Variants in MYO9A observed in about 807,000 individuals in gnomAD.
MYO9A encodes the protein unconventional myosin-IXa.
MYO9A carries 103 observed loss-of-function variants against 293.3 expected under a neutral mutation model. The observed-to-expected ratio is 0.35, with a 90% CI of 0.30 to 0.41. The LOEUF (loss-of-function observed/expected upper bound fraction) is 0.41. Ranked by LOEUF, MYO9A falls within the 10% of genes least tolerant of loss-of-function variation. The probability of loss-of-function intolerance (pLI) is 1.00; values close to 1 mark genes in which losing one functional copy is unlikely to be tolerated. For synonymous variants in MYO9A, 1,001 were observed against 1,035.7 expected (o/e 0.97, Z 0.64); for missense variants, 2,685 against 3,033.0 (o/e 0.89, Z 2.69).
intron 1 of MYO9A, among the ~76,000 whole-genome samples, chr15:72,047,276 T>C (rs2078414381): frequency 6.6e-6 from 1 of 152,200 alleles, no homozygotes; most frequent in Non-Finnish European, 1.5e-5. Flanking sequence ...ATCCTGCCCC[T>C]GACTTGCTAG....
intron 11 of MYO9A, 81 bp from the exon 12 acceptor site, chr15:71,978,373 C>T: frequency 8.5e-7 from 1 of 1,174,270 alleles, no homozygotes; most frequent in Non-Finnish European, 1.2e-6. Context: ...AAGCTTTTAC[C>T]CTGCTTAAAA....
At chr15:72,075,466 T>C (rs73436332) in intron 1 of MYO9A, among the ~76,000 whole-genome samples, 3,248 of 151,862 alleles carry the variant, frequency 0.021, 115 homozygotes, top group African/African-American at 0.076. Flanking sequence ...AGAAAAAACA[T>C]TGATTAAATA....
At chr15:71,956,661 C>A (rs1858931300) in intron 14 of MYO9A, among the ~76,000 whole-genome samples, 2 of 150,042 alleles carry the variant, frequency 1.3e-5, no homozygotes, top group African/African-American at 2.4e-5. Context: ...ATATATATAT[C>A]TATATATATC....
intron 20 of MYO9A, 135 bp from the exon 21 acceptor site, chr15:71,904,174 A>G (rs1259168688): frequency 2.9e-6 from 2 of 678,500 alleles, no homozygotes; most frequent in Admixed American, 5.3e-5. Flanking sequence ...GTAACTAAGT[A>G]TATTAAGGCA....
At chr15:71,895,046 T>A (rs1323303135) in intron 25 of MYO9A, among the ~76,000 whole-genome samples, 1 of 152,252 alleles carries the variant, frequency 6.6e-6, no homozygotes, top group Non-Finnish European at 1.5e-5. Flanking sequence ...TAAGAAATTA[T>A]CTTGCCCTTT....
intron 1 of MYO9A, among the ~76,000 whole-genome samples, chr15:72,089,536 C>G (rs1034292210): frequency 8.6e-5 from 13 of 152,016 alleles, no homozygotes; most frequent in African/African-American, 3.1e-4. Context: ...TCCCAGCACT[C>G]TGGGAAAGGA....
chr15:72,007,888 G>A lies in MYO9A; in HGVS notation c.1318C>T (p.Arg440Trp), dbSNP rs374349089. 52 of 1,612,640 alleles carry A rather than the reference G, an allele frequency of 3.2e-5. No homozygotes were observed. Among genetic ancestry groups the A allele is most frequent in the East Asian group, 8.9e-5 (4 of 44,758 alleles). Reference sequence around the variant, plus strand: ...TTACAGATATCAATGGAGTCATCCCGGTATGTCTTCTTTTTGTAACAGATA... The same window carrying A: ...TTACAGATATCAATGGAGTCATCCCAGTATGTCTTCTTTTTGTAACAGATA... ...GNICYKKKTY[R>W]DDSIDICNPE... Residue 440 changes from arginine (R) to tryptophan (W), a missense_variant, in exon 8 of 42, where the codon CGG (arginine) becomes TGG (tryptophan). Coordinates refer to ENST00000356056, the MANE Select transcript of MYO9A (RefSeq NM_006901.4).
In MYO9A at chr15:72,100,918, T is replaced by TGG. The variant is rs557887276; in HGVS notation, c.-72+16760_-72+16761dup. Among the ~76,000 whole-genome samples, 107 of 87,280 alleles carry TGG rather than the reference T, an allele frequency of 1.2e-3. 1 individual carries two copies. Among genetic ancestry groups the TGG allele is most frequent in the African/African-American group, 4.5e-3 (99 of 21,988 alleles). 57.3% of individuals were successfully genotyped at this position (87,280 alleles called of 152,430 possible). A position where few individuals can be genotyped will look rare whatever the true frequency, so the allele number is the denominator to read the frequency against. On this transcript the variant is annotated intron_variant, in intron 1 of 41. Coordinates refer to ENST00000356056, the MANE Select transcript of MYO9A (RefSeq NM_006901.4). Reference sequence around the variant, plus strand: ...CCAGCCGCCCGGTCCGGGAGGGAGGTGGGGGGGGTCAGCCCCCCGCCCGGC... The same window carrying TGG: ...CCAGCCGCCCGGTCCGGGAGGGAGGTGGGGGGGGGGTCAGCCCCCCGCCCGGC...
chr15:71,893,655 G>A, intron 26 of MYO9A, 24 bp downstream of exon 26: 1 of 1,563,212 alleles, frequency 6.4e-7, no homozygotes. Flanking sequence ...ATAGAAGATA[G>A]ATAAACAAAA....
chr15:71,880,698 T>C, intron 28 of MYO9A, 140 bp from the exon 29 acceptor site: 1 of 731,932 alleles, frequency 1.4e-6, no homozygotes, highest in South Asian at 1.9e-5. Context: ...ACATTAATGT[T>C]TGAGGTTAGG....
chr15:71,897,847 T>C lies in MYO9A; in HGVS notation c.4656A>G (p.Gln1552=). 1.9e-6 allele frequency: 3 copies of C among 1,614,110 alleles called. No individual in the cohort carries two copies. The highest frequency in any genetic ancestry group is 1.7e-6 in the Non-Finnish European group (2 of 1,180,012). ...LVAPSSYQSK[Q]RVERPSSLLS... is the part of the protein sequence containing the mutation. ...GGAGAGAGGATGGCCTCTCTACTCT[T>C]TGCTTTGACTGATAGGAAGATGGTG... The change falls in exon 25 of 42, where the codon CAA becomes CAG. Residue 1552 remains glutamine (Q), a synonymous_variant. Coordinates refer to ENST00000356056, the MANE Select transcript of MYO9A (RefSeq NM_006901.4).
At chr15:72,078,047 A>G (rs973943367) in intron 1 of MYO9A, among the ~76,000 whole-genome samples, 3 of 152,208 alleles carry the variant, frequency 2.0e-5, no homozygotes, top group Non-Finnish European at 4.4e-5. Context: ...AGAATGTGGA[A>G]TTACAGGAAC....
chr15:72,052,274 C>G (rs751939712), intron 1 of MYO9A, among the ~76,000 whole-genome samples: 14 of 152,158 alleles, frequency 9.2e-5, no homozygotes, highest in Non-Finnish European at 1.6e-4. Flanking sequence ...CTGCTGACAG[C>G]TGAACACTCA....
chr15:71,862,610 AC>A lies in MYO9A; in HGVS notation c.5980del (p.Val1994TrpfsTer26). On this transcript the variant is annotated frameshift_variant and splice_region_variant, in exon 33 of 42. Coordinates refer to ENST00000356056, the MANE Select transcript of MYO9A (RefSeq NM_006901.4). LOFTEE classifies it high-confidence loss of function. Reference protein sequence around the residue: ...KKRRKKETDLVEEHNGHIFKA... With the variant: ...KKRRKKETDLXEEHNGHIFKA... ...AAAGATGTGACCATTGTGTTCTTCC[AC>A]CTGAATGAAAAAATTTAGCTACTTA... The A allele has an allele frequency of 6.2e-7, 1 of 1,600,834 alleles. No individual in the cohort carries two copies. Among genetic ancestry groups the A allele is most frequent in the Non-Finnish European group, 8.6e-7 (1 of 1,168,730 alleles).
intron 1 of MYO9A, among the ~76,000 whole-genome samples, chr15:72,077,733 GAAAAAAAA>G (rs60518266): frequency 0.036 from 3,169 of 87,146 alleles, 36 homozygotes; most frequent in South Asian, 0.048. Context: ...CTGTCTCAAA[GAAAAAAAA>G]AAAAAAAAAA....
chr15:72,053,482 A>G (rs556674378), intron 1 of MYO9A, among the ~76,000 whole-genome samples: 3 of 152,382 alleles, frequency 2.0e-5, no homozygotes, highest in Admixed American at 2.0e-4. Context: ...TGCAGCCATA[A>G]AAAAGAATGA....
At position 71,898,171 on chromosome 15, in the gene MYO9A, T is replaced by C. The variant is rs543098441; in HGVS notation, c.4332A>G (p.Leu1444=). ...CCCCCGCTGTGTCTTCATTTTCCAATAGTTTGTTTCTTTGGATACTTGTGT... is the reference window on the plus strand; with the variant it reads ...CCCCCGCTGTGTCTTCATTTTCCAACAGTTTGTTTCTTTGGATACTTGTGT... ...QLDTSIQRNK[L]LENEDTAGEA... is the part of the protein sequence containing the mutation. The change falls in exon 25 of 42, where the codon CTA becomes CTG. Residue 1444 remains leucine, a synonymous_variant. Transcript: ENST00000356056. 15 of 1,614,044 alleles carry C rather than the reference T, an allele frequency of 9.3e-6. No individual in the cohort carries two copies. Among genetic ancestry groups the C allele is most frequent in the Middle Eastern group, 1.6e-4 (1 of 6,084 alleles).
At chr15:71,880,070 T>G (rs1420742354) in intron 29 of MYO9A, among the ~76,000 whole-genome samples, 1 of 152,186 alleles carries the variant, frequency 6.6e-6, no homozygotes, top group African/African-American at 2.4e-5. Context: ...ACAAGAAAAC[T>G]CCCGTGTGCA....
chr15:71,846,842 A>G (rs1199914755), intron 39 of MYO9A, among the ~76,000 whole-genome samples: 1 of 152,190 alleles, frequency 6.6e-6, no homozygotes, highest in African/African-American at 2.4e-5. Flanking sequence ...CTAGCATACC[A>G]TAATATTTAA....
Sources: allele counts gnomAD v4.1 joint callset (sites outside exome capture counted in the v4.1 genomes callset), GRCh38; gene constraint gnomAD v4.1.1; transcripts MANE v1.5; gene names NCBI Gene and HGNC (gene_info 2026-07-23, HGNC 2026-07-21).